LAMA3: variants seen among roughly 807,000 people sequenced by gnomAD.
The protein encoded by LAMA3 is laminin subunit alpha-3.
A neutral mutation model predicts 402.0 loss-of-function variants in LAMA3; 281 were observed. The observed-to-expected ratio is 0.70, with a 90% CI of 0.63 to 0.77. LAMA3 has a LOEUF of 0.77. Among genes scored for constraint, LAMA3 ranks in the 30% least tolerant of loss-of-function variants. LAMA3 has a pLI of 0.00. For synonymous variants in LAMA3, 1,431 were observed against 1,558.4 expected, an observed-to-expected ratio of 0.92 and a Z score of 1.93; for missense variants, 3,840 against 4,215.5, an observed-to-expected ratio of 0.91 and a Z score of 2.47.
At position 23,775,842 on chromosome 18, in the gene LAMA3, C is replaced by T. The variant is rs536413197; in HGVS notation, c.1324C>T (p.Arg442Cys). Reference sequence around the variant, plus strand: ...GGATGGCTGTGAACAGGGTTCAGGCCGCTGTCACTGCAAGCCAAATTTCCA... The same window carrying T: ...GGATGGCTGTGAACAGGGTTCAGGCTGCTGTCACTGCAAGCCAAATTTCCA... ...HADGCEQGSG[R>C]CHCKPNFHGD... is the part of the protein sequence containing the mutation. Residue 442 changes from arginine to cysteine, a missense_variant, in exon 10 of 75, where the codon CGC becomes TGC. Physicochemically the swap from Arg to Cys is radical, Grantham distance 180. Transcript: ENST00000313654. The T allele has an allele frequency of 7.4e-6, 12 of 1,613,952 alleles. No homozygotes were observed. The highest frequency in any genetic ancestry group is 2.2e-5 in the East Asian group (1 of 44,878).
intron 32 of LAMA3, among the ~76,000 whole-genome samples, chr18:23,852,903 C>T (rs1168781256): frequency 6.6e-6 from 1 of 152,146 alleles, no homozygotes; most frequent in Non-Finnish European, 1.5e-5. Context: ...TCTCCTACTA[C>T]CCCCAAATTA....
At chr18:23,886,571 G>A (rs1785724894) in intron 41 of LAMA3, among the ~76,000 whole-genome samples, 1 of 152,026 alleles carries the variant, frequency 6.6e-6, no homozygotes, top group African/African-American at 2.4e-5. Context: ...GAACCCAGGA[G>A]TTCGAGGCTG....
chr18:23,809,802 G>T (rs1038280146), intron 12 of LAMA3, among the ~76,000 whole-genome samples: 2 of 152,134 alleles, frequency 1.3e-5, no homozygotes, highest in Non-Finnish European at 2.9e-5. Flanking sequence ...TAGACATTGA[G>T]AAAAGAGGTA....
chr18:23,941,330 C>T (rs1407379992), intron 68 of LAMA3, among the ~76,000 whole-genome samples: 1 of 140,518 alleles, frequency 7.1e-6, no homozygotes, highest in Non-Finnish European at 1.6e-5. Flanking sequence ...CTTGGCGCCC[C>T]CCCCCCGCCC....
At chr18:23,947,218 C>A (rs1159855780) in intron 70 of LAMA3, among the ~76,000 whole-genome samples, 2 of 152,142 alleles carry the variant, frequency 1.3e-5, no homozygotes, top group Non-Finnish European at 2.9e-5. Flanking sequence ...CTCTCCTACC[C>A]CCTGCCACAG....
chr18:23,936,987 G>A (rs1490198145), intron 67 of LAMA3, among the ~76,000 whole-genome samples: 1 of 152,180 alleles, frequency 6.6e-6, no homozygotes, highest in Non-Finnish European at 1.5e-5. Context: ...TACTAAGCTG[G>A]TAGCAGCCTG....
intron 70 of LAMA3, among the ~76,000 whole-genome samples, chr18:23,948,092 G>A (rs1247390860): frequency 6.6e-6 from 1 of 152,146 alleles, no homozygotes; most frequent in Non-Finnish European, 1.5e-5. Flanking sequence ...GATTACAGGC[G>A]TGAGCCACCG....
chr18:23,921,718 G>A (rs1011418085), intron 62 of LAMA3, 133 bp downstream of exon 62: 41 of 853,704 alleles, frequency 4.8e-5, no homozygotes, highest in Non-Finnish European at 7.4e-5. Flanking sequence ...CATATTAACA[G>A]TATAGTCAAC....
intron 19 of LAMA3, among the ~76,000 whole-genome samples, chr18:23,821,602 TTACAGA>T (rs2063286628): frequency 6.6e-6 from 1 of 152,206 alleles, no homozygotes; most frequent in Non-Finnish European, 1.5e-5. Flanking sequence ...TCCACAATGT[TTACAGA>T]ATATTGTGTG....
intron 18 of LAMA3, among the ~76,000 whole-genome samples, chr18:23,817,004 G>C (rs903049379): frequency 5.3e-5 from 8 of 152,214 alleles, no homozygotes; most frequent in African/African-American, 1.9e-4. Context: ...GGGCTAATAA[G>C]GTTCAGTTCC....
intron 57 of LAMA3, 28 bp from the exon 58 acceptor site, chr18:23,914,670 C>G (rs764036619): frequency 1.3e-6 from 2 of 1,599,464 alleles, no homozygotes; most frequent in South Asian, 2.2e-5. Flanking sequence ...TTTTGTTTAA[C>G]TTTATTATCT....
chr18:23,768,734 A>G (rs1275458451), intron 8 of LAMA3, among the ~76,000 whole-genome samples: 3 of 152,208 alleles, frequency 2.0e-5, no homozygotes, highest in Non-Finnish European at 4.4e-5. Context: ...CATGGAATCA[A>G]CCTTGGTGCC....
intron 30 of LAMA3, 137 bp downstream of exon 30, chr18:23,845,261 A>C: frequency 1.5e-6 from 1 of 685,108 alleles, no homozygotes; most frequent in South Asian, 1.5e-5. Context: ...AGTGAGTCCC[A>C]GGGGAAGATG....
At chr18:23,752,402 G>T (rs1175120412) in intron 5 of LAMA3, among the ~76,000 whole-genome samples, 2 of 152,006 alleles carry the variant, frequency 1.3e-5, no homozygotes, top group African/African-American at 4.8e-5. Flanking sequence ...ATGAATACAG[G>T]CCTCTCCATT....
intron 55 of LAMA3, among the ~76,000 whole-genome samples, chr18:23,909,548 A>G (rs910016295): frequency 6.6e-6 from 1 of 152,220 alleles, no homozygotes; most frequent in Admixed American, 6.5e-5. Flanking sequence ...TCAGGCAGAA[A>G]GAAGGATTTT....
intron 29 of LAMA3, among the ~76,000 whole-genome samples, chr18:23,844,081 C>T (rs948240245): frequency 2.6e-5 from 4 of 152,244 alleles, no homozygotes; most frequent in Admixed American, 2.6e-4. Context: ...ACAAGGGCTG[C>T]ATCTGTTCAT....
At chr18:23,934,504 CCTT>C (rs534301070) in intron 67 of LAMA3, among the ~76,000 whole-genome samples, 1 of 152,150 alleles carries the variant, frequency 6.6e-6, no homozygotes, top group Non-Finnish European at 1.5e-5. Context: ...AAATGAAACT[CCTT>C]ATTTGGAGGA....
chr18:23,784,295 A>C (rs771170428), intron 12 of LAMA3, 138 bp downstream of exon 12: 17 of 1,004,768 alleles, frequency 1.7e-5, no homozygotes, highest in Non-Finnish European at 2.6e-5. Flanking sequence ...TGGATGTTAC[A>C]TGTGATGGTC....
intron 19 of LAMA3, 122 bp downstream of exon 19, chr18:23,820,119 T>C (rs2144382817): frequency 1.0e-6 from 1 of 1,000,682 alleles, no homozygotes; most frequent in Non-Finnish European, 1.6e-6. Flanking sequence ...TCTTTTTCTC[T>C]ATATTATGGG....
Sources: gnomAD v4.1 joint callset for allele counts (sites outside exome capture counted in the v4.1 genomes callset) on GRCh38, gnomAD v4.1.1 for gene constraint, MANE v1.5 for transcripts, NCBI Gene and HGNC (gene_info 2026-07-23, HGNC 2026-07-21) for gene names.